The following SPAG5 variants were observed in gnomAD, a reference collection of about 807,000 sequenced individuals.
SPAG5 encodes the protein sperm associated antigen 5, also known as sperm-associated antigen 5.
Under a neutral mutation model 145.4 loss-of-function variants are expected in SPAG5, and 99 were observed. The observed-to-expected ratio is 0.68, with a 90% CI of 0.58 to 0.80. SPAG5 has a LOEUF of 0.80. Ranked by LOEUF, SPAG5 falls within the 30% of genes least tolerant of loss-of-function variation. SPAG5 has a pLI of 0.00. For synonymous variants in SPAG5, 477 were observed against 525.4 expected (o/e 0.91, Z 1.26); for missense variants, 1,192 against 1,416.0 (o/e 0.84, Z 2.54).
In SPAG5 at chr17:28,598,992, A is replaced by T. The variant is rs759726630; in HGVS notation, c.-46T>A. The T allele has an allele frequency of 6.3e-6, 10 of 1,592,190 alleles. No individual in the cohort carries two copies. Among genetic ancestry groups the T allele is most frequent in the Non-Finnish European group, 8.6e-6 (10 of 1,160,386 alleles). ...TATCACGTCTCAGACCAAGTCGAGG[A>T]CGCCATGTTCACCCGCCGTCTGTGT... On this transcript the variant is annotated 5_prime_UTR_variant, in exon 1 of 24. Coordinates refer to ENST00000321765, the MANE Select transcript of SPAG5 (RefSeq NM_006461.4).
intron 10 of SPAG5, among the ~76,000 whole-genome samples, 177 bp from the exon 11 acceptor site, chr17:28,584,922 T>C (rs972360719): frequency 6.6e-6 from 1 of 152,094 alleles, no homozygotes; most frequent in Non-Finnish European, 1.5e-5. Flanking sequence ...GTTGCTGAAG[T>C]AAAGATGCTG....
At position 28,578,681 on chromosome 17, in the gene SPAG5, G is replaced by A. The variant is rs768651514; in HGVS notation, c.3189C>T (p.Gly1063=). 2.0e-5 allele frequency: 33 copies of A among 1,613,492 alleles called. No homozygotes were observed. Among genetic ancestry groups the A allele is most frequent in the Admixed American group, 6.7e-5 (4 of 60,000 alleles). The part of the protein sequence containing the change: ...EKILEQIDKS[G]ELISLREEVT... ...ATGATGGTGAACATACTATGAGCTC[G>A]CCACTCTTGTCTATCTGTTCTAGGA... The change falls in exon 20 of 24, where the codon GGC becomes GGT. Residue 1063 remains glycine, a synonymous_variant. Coordinates refer to ENST00000321765, the MANE Select transcript of SPAG5 (RefSeq NM_006461.4).
At chr17:28,583,323 G>A (rs978499073) in intron 15 of SPAG5, among the ~76,000 whole-genome samples, 188 bp downstream of exon 15, 5 of 152,198 alleles carry the variant, frequency 3.3e-5, no homozygotes, top group African/African-American at 1.2e-4. Flanking sequence ...CAGTCTAGCT[G>A]GGGCAAAGTG....
chr17:28,582,960 A>G (rs2070558267), intron 15 of SPAG5: 1 of 152,206 alleles, frequency 6.6e-6, no homozygotes, highest in South Asian at 2.1e-4. Context: ...TAAACCAGGG[A>G]AGATTTCTTT....
At chr17:28,593,966 G>A (rs1022361931) in intron 2 of SPAG5, among the ~76,000 whole-genome samples, 1 of 151,936 alleles carries the variant, frequency 6.6e-6, no homozygotes, top group Non-Finnish European at 1.5e-5. Flanking sequence ...CTGGACAAGT[G>A]GAAGAAATAT....
chr17:28,589,019 T>A (rs892310960), intron 4 of SPAG5, among the ~76,000 whole-genome samples: 4 of 152,070 alleles, frequency 2.6e-5, no homozygotes, highest in African/African-American at 7.2e-5. Flanking sequence ...TAATATTTCC[T>A]GCAAAAACTA....
At chr17:28,578,158 T>C (rs1037596358) in intron 22 of SPAG5, 60 bp downstream of exon 22, 3 of 1,609,334 alleles carry the variant, frequency 1.9e-6, no homozygotes, top group African/African-American at 1.3e-5. Context: ...AGGGGAAACA[T>C]GGCGGGGCAT....
intron 23 of SPAG5, 102 bp from the exon 24 acceptor site, chr17:28,577,872 AC>A: frequency 8.2e-7 from 1 of 1,222,234 alleles, no homozygotes; most frequent in Non-Finnish European, 1.2e-6. Context: ...GAAAACAGAC[AC>A]CACAGAGAAG....
At chr17:28,593,160 G>C (rs1273146539) in intron 2 of SPAG5, 94 bp from the exon 3 acceptor site, 1 of 1,435,314 alleles carries the variant, frequency 7.0e-7, no homozygotes, top group Non-Finnish European at 9.4e-7. Context: ...AAAAAGAAAA[G>C]AATTCTTACT....
intron 20 of SPAG5, 34 bp from the exon 21 acceptor site, chr17:28,578,562 C>A (rs1348969991): frequency 6.2e-7 from 1 of 1,609,446 alleles, no homozygotes; most frequent in East Asian, 2.2e-5. Flanking sequence ...TCCAATAGGA[C>A]ATAAGGATAG....
chr17:28,595,473 T>C (rs185875876), intron 2 of SPAG5, among the ~76,000 whole-genome samples: 1 of 152,056 alleles, frequency 6.6e-6, no homozygotes, highest in East Asian at 1.9e-4. Flanking sequence ...ACAGGCCAGG[T>C]GCAGTGGCCC....
At chr17:28,582,346 C>A (rs904438690) in intron 15 of SPAG5, among the ~76,000 whole-genome samples, 3 of 152,216 alleles carry the variant, frequency 2.0e-5, no homozygotes, top group East Asian at 3.8e-4. Context: ...TGACTTTCTA[C>A]GTACGACTCT....
rs764245880 is a variant in SPAG5 at position 28,592,555 on chromosome 17, T to G, written c.689A>C (p.Glu230Ala). 21 of 1,614,244 alleles carry G rather than the reference T, an allele frequency of 1.3e-5. 1 individual carries two copies. The Middle Eastern group carries it at 1.3e-3, about 101-fold the overall frequency. ...SLSSRTEAVR[E>A]DLVPSESNAF... ...GTTACTTTCAGAAGGTACTAAGTCC[T>G]CACGCACAGCCTCAGTTCTACTGCT... The change falls in exon 3 of 24, where the codon GAG becomes GCG. Residue 230 changes from glutamate (E) to alanine (A), a missense_variant. By Grantham distance (107) the Glu-to-Ala change is moderately radical. Coordinates refer to ENST00000321765, the MANE Select transcript of SPAG5 (RefSeq NM_006461.4).
At position 28,577,605 on chromosome 17, in the gene SPAG5, T is replaced by C; in HGVS notation, c.*94A>G. The C allele has an allele frequency of 1.2e-6, 1 of 833,276 alleles. No individual in the cohort carries two copies. The highest frequency in any genetic ancestry group is 1.7e-5 in the African/African-American group (1 of 59,602). The allele number at this position is 833,276 out of a possible 1,614,324, so 51.6% of individuals were successfully genotyped here. Reference sequence around the variant, plus strand: ...AAATACACTTTATTTAAATAGCATTTATCTCAGTTGGCTCTATGCCAGTTG... The same window carrying C: ...AAATACACTTTATTTAAATAGCATTCATCTCAGTTGGCTCTATGCCAGTTG... On this transcript the variant is annotated 3_prime_UTR_variant, in exon 24 of 24. Transcript: ENST00000321765.
chr17:28,596,980 C>T (rs1253907188), intron 2 of SPAG5, among the ~76,000 whole-genome samples: 2 of 149,596 alleles, frequency 1.3e-5, no homozygotes, highest in African/African-American at 2.5e-5. Flanking sequence ...TGGCACATGC[C>T]GGAGGCTGAG....
Position 28,585,044 on chromosome 17 carries a change from T to A in SPAG5, c.2067+58A>T, listed in dbSNP as rs925244108. On this transcript the variant is annotated intron_variant, in intron 10 of 23. Transcript: ENST00000321765. Reference sequence around the variant, plus strand: ...AAACAGATCCAGGGTAAGAGGCTAATGGTATCACACATTAGGAAGGAAACC... The same window carrying A: ...AAACAGATCCAGGGTAAGAGGCTAAAGGTATCACACATTAGGAAGGAAACC... The A allele has an allele frequency of 3.5e-6, 5 of 1,441,950 alleles. No individual in the cohort carries two copies. In the Admixed American group the frequency reaches 8.4e-5, roughly 24 times the overall value. 89.3% of individuals were successfully genotyped at this position (1,441,950 alleles called of 1,614,324 possible). A position where few individuals can be genotyped will look rare whatever the true frequency, so the allele number is the denominator to read the frequency against.
In SPAG5 at chr17:28,592,327, G is replaced by A. The variant is rs1383127758; in HGVS notation, c.917C>T (p.Thr306Ile). The A allele has an allele frequency of 6.2e-7, 1 of 1,614,170 alleles. No individual in the cohort carries two copies. Among genetic ancestry groups the A allele is most frequent in the Non-Finnish European group, 8.5e-7 (1 of 1,180,022 alleles). The change falls in exon 3 of 24, where the codon ACA (threonine) becomes ATA (isoleucine). Residue 306 changes from threonine (T) to isoleucine (I), a missense_variant. Physicochemically the swap from Thr to Ile is moderately conservative, Grantham distance 89. Coordinates refer to ENST00000321765, the MANE Select transcript of SPAG5 (RefSeq NM_006461.4). ...LVSSVEDILS[T>I]CLTPNLVEME... is the part of the protein sequence containing the mutation. Reference sequence around the variant, plus strand: ...TTCTACTAGATTTGGTGTCAGGCATGTGGACAGAATATCTTCCACACTTGA... The same window carrying A: ...TTCTACTAGATTTGGTGTCAGGCATATGGACAGAATATCTTCCACACTTGA...
chr17:28,593,467 C>T (rs2070639037), intron 2 of SPAG5, among the ~76,000 whole-genome samples: 1 of 152,144 alleles, frequency 6.6e-6, no homozygotes, highest in South Asian at 2.1e-4. Context: ...TTCTCCCTCT[C>T]GGCTGGGCGC....
intron 15 of SPAG5, 128 bp downstream of exon 15, chr17:28,583,383 C>T: frequency 1.0e-6 from 1 of 1,003,192 alleles, no homozygotes; most frequent in Non-Finnish European, 1.4e-6. Flanking sequence ...GAGCAACAGG[C>T]TAATGAGGTC....
Sources: gnomAD v4.1 joint callset for allele counts (sites outside exome capture counted in the v4.1 genomes callset) on GRCh38, gnomAD v4.1.1 for gene constraint, MANE v1.5 for transcripts, NCBI Gene and HGNC (gene_info 2026-07-23, HGNC 2026-07-21) for gene names.